The following GRIP1 variants were observed in gnomAD, a reference collection of about 807,000 sequenced individuals.
GRIP1 encodes glutamate receptor interacting protein 1.
Under a neutral mutation model 129.9 loss-of-function variants are expected in GRIP1, and 45 were observed. That is an observed-to-expected ratio of 0.35 (90% confidence interval 0.27 to 0.44). GRIP1 has a LOEUF of 0.44. GRIP1 is among the 20% of genes least tolerant of loss of function. GRIP1 has a pLI of 1.00. For synonymous variants in GRIP1, 530 were observed against 520.8 expected (o/e 1.02, Z -0.24); for missense variants, 1,196 against 1,396.8 (o/e 0.86, Z 2.29).
intron 7 of GRIP1, among the ~76,000 whole-genome samples, chr12:66,499,882 C>T (rs770413024): frequency 1.1e-4 from 16 of 152,020 alleles, no homozygotes; most frequent in South Asian, 2.1e-4. Context: ...TGGTTGTGCA[C>T]GCCTGTAGTC....
At chr12:66,380,739 G>A (rs1035369960) in intron 19 of GRIP1, among the ~76,000 whole-genome samples, 2 of 152,196 alleles carry the variant, frequency 1.3e-5, no homozygotes, top group South Asian at 4.1e-4. Flanking sequence ...AATTATTATG[G>A]GGGTTCAAGT....
rs372551022 is a variant in GRIP1 at position 66,550,049 on chromosome 12, A to C, written c.137-8099T>G. Among the ~76,000 whole-genome samples, 18 of 152,306 alleles carry C rather than the reference A, an allele frequency of 1.2e-4. No homozygotes were observed. The South Asian group carries it at 1.5e-3, about 12-fold the overall frequency. On this transcript the variant is annotated intron_variant, in intron 2 of 24. Coordinates refer to ENST00000359742, the MANE Select transcript of GRIP1 (RefSeq NM_001366722.1). ...TGATTCAGGTATCAAATGCCTTCTA[A>C]AGCATTAAGTTAAAAAAAAATCCCT...
intron 1 of GRIP1, among the ~76,000 whole-genome samples, chr12:66,890,207 T>C (rs1163285921): frequency 6.6e-6 from 1 of 152,024 alleles, no homozygotes; most frequent in Non-Finnish European, 1.5e-5. Flanking sequence ...GGGATTACAG[T>C]TGTGAGCCAC....
chr12:66,419,528 A>G (rs2057729259), intron 15 of GRIP1, among the ~76,000 whole-genome samples: 1 of 152,200 alleles, frequency 6.6e-6, no homozygotes, highest in South Asian at 2.1e-4. Flanking sequence ...ATTACTGTGC[A>G]TTGCATGCCT....
At chr12:66,372,084 A>T in intron 22 of GRIP1, 157 bp from the exon 23 acceptor site, 1 of 666,320 alleles carries the variant, frequency 1.5e-6, no homozygotes, top group Non-Finnish European at 2.7e-6. Flanking sequence ...TTGAACTATG[A>T]AAGTCTGGAA....
At chr12:66,669,320 G>A (rs1285419136) in intron 1 of GRIP1, among the ~76,000 whole-genome samples, 3 of 151,988 alleles carry the variant, frequency 2.0e-5, no homozygotes, top group South Asian at 2.1e-4. Context: ...CCCAGGAGGC[G>A]GAGGCTGCAG....
chr12:66,943,914 TAAGTA>T (rs1400567834), intron 1 of GRIP1, among the ~76,000 whole-genome samples: 5 of 152,216 alleles, frequency 3.3e-5, no homozygotes, highest in African/African-American at 2.4e-5. Context: ...TCTCATAGGT[TAAGTA>T]TTTTCTTAAG....
At chr12:66,462,897 G>C (rs780150676) in intron 9 of GRIP1, 27 bp downstream of exon 9, 9 of 1,588,796 alleles carry the variant, frequency 5.7e-6, no homozygotes, top group South Asian at 1.1e-5. Context: ...GCCAGAGAAA[G>C]AGCTTGATCC....
At chr12:66,934,894 G>C (rs1366330776) in intron 1 of GRIP1, among the ~76,000 whole-genome samples, 2 of 152,194 alleles carry the variant, frequency 1.3e-5, no homozygotes, top group Non-Finnish European at 2.9e-5. Context: ...CATTAGCAAA[G>C]ATCTTCCTTC....
chr12:66,980,766 C>T (rs2042232015), intron 1 of GRIP1, among the ~76,000 whole-genome samples: 1 of 152,144 alleles, frequency 6.6e-6, no homozygotes, highest in Non-Finnish European at 1.5e-5. Context: ...AGACTGATTC[C>T]AGAGCCAGCT....
chr12:66,862,404 T>A (rs2040127914), intron 1 of GRIP1, among the ~76,000 whole-genome samples: 1 of 152,112 alleles, frequency 6.6e-6, no homozygotes, highest in Non-Finnish European at 1.5e-5. Context: ...GGAATACTTC[T>A]TGGAGGCCAG....
intron 2 of GRIP1, among the ~76,000 whole-genome samples, chr12:66,589,376 C>G (rs976623625): frequency 2.0e-5 from 3 of 152,056 alleles, no homozygotes; most frequent in Non-Finnish European, 4.4e-5. Flanking sequence ...TTAAAAGAAG[C>G]CCCCAAAGCC....
At chr12:66,860,072 C>G (rs7309833) in intron 1 of GRIP1, among the ~76,000 whole-genome samples, 66,177 of 151,990 alleles carry the variant, frequency 0.44, 14,538 homozygotes, top group African/African-American at 0.49. Flanking sequence ...TACAAACTTT[C>G]CAAAATTTAC....
At chr12:66,551,323 G>C (rs1287721995) in intron 2 of GRIP1, among the ~76,000 whole-genome samples, 1 of 152,200 alleles carries the variant, frequency 6.6e-6, no homozygotes, top group Non-Finnish European at 1.5e-5. Context: ...AGCATGGCCT[G>C]GGAGCCTGAA....
At chr12:66,973,497 GA>G (rs999376659) in intron 1 of GRIP1, among the ~76,000 whole-genome samples, 1 of 148,938 alleles carries the variant, frequency 6.7e-6, no homozygotes, top group Admixed American at 6.8e-5. Flanking sequence ...AGTGTATTTT[GA>G]AAAGATCTTT....
chr12:66,631,922 T>C (rs12099923), intron 1 of GRIP1, among the ~76,000 whole-genome samples: 20,889 of 152,186 alleles, frequency 0.14, 1,595 homozygotes, highest in Middle Eastern at 0.19. Context: ...ATGAGGTAGG[T>C]ATTTCTTCCT....
At chr12:67,056,733 A>G (rs946234216) in intron 1 of GRIP1, among the ~76,000 whole-genome samples, 3 of 152,220 alleles carry the variant, frequency 2.0e-5, no homozygotes, top group African/African-American at 7.2e-5. Flanking sequence ...ACACTGAGAG[A>G]TGAAACTTGT....
At chr12:66,658,943 AAC>A (rs571983393) in intron 1 of GRIP1, among the ~76,000 whole-genome samples, 49 of 151,884 alleles carry the variant, frequency 3.2e-4, no homozygotes, top group Non-Finnish European at 5.4e-4. Context: ...AACAAAATAA[AAC>A]AAAAACAAAC....
intron 11 of GRIP1, among the ~76,000 whole-genome samples, chr12:66,450,070 T>G (rs549440332): frequency 1.9e-4 from 29 of 150,000 alleles, no homozygotes; most frequent in Admixed American, 6.6e-4. Flanking sequence ...GGAGGCCGAG[T>G]CGGGCGGATC....
Sources: allele counts gnomAD v4.1 joint callset (sites outside exome capture counted in the v4.1 genomes callset), GRCh38; gene constraint gnomAD v4.1.1; transcripts MANE v1.5; gene names NCBI Gene and HGNC (gene_info 2026-07-23, HGNC 2026-07-21).